HS6ST2: variants seen among roughly 807,000 people sequenced by gnomAD.
HS6ST2 encodes heparan-sulfate 6-O-sulfotransferase 2.
A neutral mutation model predicts 33.0 loss-of-function variants in HS6ST2; 17 were observed. That is an observed-to-expected ratio of 0.52 (90% CI 0.35 to 0.77). HS6ST2 has a LOEUF of 0.77. Among genes scored for constraint, HS6ST2 ranks in the 30% least tolerant of loss-of-function variants. The pLI, the probability that HS6ST2 is intolerant of heterozygous loss-of-function variation, is 0.01. For synonymous variants in HS6ST2, 248 were observed against 237.1 expected, an observed-to-expected ratio of 1.05 and a Z score of -0.42; for missense variants, 519 against 551.7, an observed-to-expected ratio of 0.94 and a Z score of 0.59.
chrX:132,681,301 G>A (rs2063968408), intron 3 of HS6ST2, among the ~76,000 whole-genome samples: 1 of 112,057 alleles, frequency 8.9e-6, no homozygotes, highest in Non-Finnish European at 1.9e-5. Flanking sequence ...AACTGTTTTA[G>A]TACCTCAACT....
chrX:132,911,471 A>C (rs1277556921), intron 2 of HS6ST2, among the ~76,000 whole-genome samples: 1 of 111,737 alleles, frequency 8.9e-6, no homozygotes, highest in Non-Finnish European at 1.9e-5. Context: ...GCACATCATC[A>C]GGCAAGGACA....
intron 2 of HS6ST2, among the ~76,000 whole-genome samples, chrX:132,760,831 GA>G (rs1297895812): frequency 1.8e-5 from 2 of 110,514 alleles, no homozygotes; most frequent in Non-Finnish European, 3.8e-5. Context: ...TTGCCTGAGG[GA>G]AAAAAAGGAA....
chrX:132,906,871 G>A (rs2066480258), intron 2 of HS6ST2, among the ~76,000 whole-genome samples: 1 of 111,125 alleles, frequency 9.0e-6, no homozygotes, highest in Non-Finnish European at 1.9e-5. Flanking sequence ...TACCATGATG[G>A]CCAGGCTGAT....
intron 4 of HS6ST2, among the ~76,000 whole-genome samples, chrX:132,643,482 G>A (rs2063617064): frequency 1.8e-5 from 2 of 112,144 alleles, no homozygotes; most frequent in African/African-American, 6.5e-5. Flanking sequence ...AAAGATGAAA[G>A]TGACAAACTC....
intron 2 of HS6ST2, among the ~76,000 whole-genome samples, chrX:132,932,003 A>G (rs945477133): frequency 9.2e-6 from 1 of 109,157 alleles, no homozygotes; most frequent in African/African-American, 3.3e-5. Flanking sequence ...TGGCTAACAC[A>G]GTGAAACCCC....
chrX:132,938,174 A>C (rs2066846950), intron 2 of HS6ST2, among the ~76,000 whole-genome samples: 1 of 108,859 alleles, frequency 9.2e-6, no homozygotes, highest in East Asian at 2.8e-4. Flanking sequence ...AAAAAAAAAA[A>C]CAAATAAATA....
At chrX:132,656,895 A>G (rs2063734252) in intron 4 of HS6ST2, among the ~76,000 whole-genome samples, 1 of 111,826 alleles carries the variant, frequency 8.9e-6, no homozygotes, top group Non-Finnish European at 1.9e-5. Context: ...GCTGTACAGA[A>G]CATAGACTGA....
At chrX:132,947,031 G>A (rs1336667722) in intron 2 of HS6ST2, among the ~76,000 whole-genome samples, 12 of 111,544 alleles carry the variant, frequency 1.1e-4, no homozygotes, top group Non-Finnish European at 1.9e-5. Flanking sequence ...ACGCACTCAG[G>A]TTTAACACAA....
At chrX:132,819,816 G>T (rs1285788516) in intron 2 of HS6ST2, among the ~76,000 whole-genome samples, 1 of 112,269 alleles carries the variant, frequency 8.9e-6, no homozygotes, top group African/African-American at 3.2e-5. Context: ...CTAAGCTGCT[G>T]CATATATGAT....
chrX:132,709,812 A>AACACACACACACACACACACACACAC (rs60459374), intron 2 of HS6ST2, among the ~76,000 whole-genome samples: 2 of 92,195 alleles, frequency 2.2e-5, no homozygotes, highest in African/African-American at 8.2e-5. Context: ...GAAAAGACAA[A>AACACACACACACACACACACACACAC]ACACACACAC....
At chrX:132,872,638 G>A (rs1043490782) in intron 2 of HS6ST2, among the ~76,000 whole-genome samples, 1 of 111,423 alleles carries the variant, frequency 9.0e-6, no homozygotes, top group Non-Finnish European at 1.9e-5. Context: ...ACTCTGTAAG[G>A]CTTGCTTATT....
At chrX:132,795,221 T>C (rs1419350457) in intron 2 of HS6ST2, among the ~76,000 whole-genome samples, 1 of 112,105 alleles carries the variant, frequency 8.9e-6, no homozygotes, top group African/African-American at 3.2e-5. Context: ...TTCTATGGAT[T>C]TGCCTATTCT....
intron 2 of HS6ST2, among the ~76,000 whole-genome samples, chrX:132,927,672 C>G (rs896648054): frequency 9.1e-6 from 1 of 110,421 alleles, no homozygotes; most frequent in African/African-American, 3.3e-5. Context: ...GAGACCAGCC[C>G]GAGCAACATG....
chrX:132,878,807 A>G (rs1393347797), intron 2 of HS6ST2, among the ~76,000 whole-genome samples: 1 of 111,547 alleles, frequency 9.0e-6, no homozygotes, highest in Non-Finnish European at 1.9e-5. Flanking sequence ...ACATACAATC[A>G]GACAATTTTC....
chrX:132,741,978 G>A (rs1019472387), intron 2 of HS6ST2, among the ~76,000 whole-genome samples: 1 of 112,094 alleles, frequency 8.9e-6, no homozygotes, highest in Non-Finnish European at 1.9e-5. Context: ...ACAGCACAGT[G>A]CCTGTCACAC....
Position 132,669,188 on chromosome X carries a change from C to T in HS6ST2, c.992G>A (p.Arg331Gln), listed in dbSNP as rs761216951. The T allele has an allele frequency of 3.5e-5, 42 of 1,204,566 alleles. No individual in the cohort carries two copies. Among genetic ancestry groups the T allele is most frequent in the East Asian group, 3.0e-4 (10 of 33,596 alleles). Residue 331 changes from arginine to glutamine, a missense_variant, in exon 4 of 5, where the codon CGG becomes CAG. Transcript: ENST00000370833. Reference protein sequence around the residue: ...QILDAASKDKRGSPNTNAGAN... With the variant: ...QILDAASKDKQGSPNTNAGAN... ...GCCTGCGTTAGTGTTTGGAGAACCC[C>T]GTTTATCCTTACTATACCCACAGAA...
At chrX:132,667,813 AAG>A (rs1256730595) in intron 4 of HS6ST2, 12 of 112,442 alleles carry the variant, frequency 1.1e-4, no homozygotes, top group African/African-American at 3.2e-4. Context: ...CCTGTTAACT[AAG>A]AGTGCGTGTT....
intron 2 of HS6ST2, among the ~76,000 whole-genome samples, chrX:132,772,766 TAA>T (rs1372679157): frequency 1.1e-5 from 1 of 92,327 alleles, no homozygotes; most frequent in African/African-American, 4.0e-5. Context: ...ATATAATATA[TAA>T]TATATATATT....
intron 2 of HS6ST2, among the ~76,000 whole-genome samples, chrX:132,761,338 G>A (rs2064803125): frequency 8.9e-6 from 1 of 111,791 alleles, no homozygotes; most frequent in South Asian, 3.8e-4. Flanking sequence ...TGGGAAGTGA[G>A]TGCCCAGAAG....
Sources: allele counts gnomAD v4.1 joint callset (sites outside exome capture counted in the v4.1 genomes callset), GRCh38; gene constraint gnomAD v4.1.1; transcripts MANE v1.5; gene names NCBI Gene and HGNC (gene_info 2026-07-23, HGNC 2026-07-21).